The following SHOC1 variants were observed in gnomAD, a reference collection of about 807,000 sequenced individuals.
The protein encoded by SHOC1 is shortage in chiasmata 1.
Under a neutral mutation model 179.2 loss-of-function variants are expected in SHOC1, and 136 were observed. That is an observed-to-expected ratio of 0.76 (90% CI 0.66 to 0.87). The LOEUF is 0.87. Among genes scored for constraint, SHOC1 ranks in the 40% least tolerant of loss-of-function variants. SHOC1 has a pLI of 0.00. For missense variants in SHOC1, 1,538 were observed against 1,700.8 expected (o/e 0.90, Z 1.68); for synonymous variants, 489 against 586.6 (o/e 0.83, Z 2.41).
chr9:111,764,012 C>G (rs1835251866), intron 5 of SHOC1, among the ~76,000 whole-genome samples: 1 of 152,084 alleles, frequency 6.6e-6, no homozygotes, highest in African/African-American at 2.4e-5. Context: ...AACTGCAGTC[C>G]AAAAATACTA....
intron 12 of SHOC1, among the ~76,000 whole-genome samples, chr9:111,729,975 T>G (rs1019266748): frequency 3.9e-5 from 6 of 152,196 alleles, no homozygotes; most frequent in Admixed American, 1.3e-4. Flanking sequence ...AATCCTTTGT[T>G]GTCATTACAA....
intron 12 of SHOC1, 95 bp downstream of exon 12, chr9:111,738,185 A>T: frequency 8.8e-7 from 1 of 1,134,236 alleles, no homozygotes; most frequent in Non-Finnish European, 1.2e-6. Context: ...GCTAGAACCT[A>T]GTGATTTTCC....
At chr9:111,701,486 C>A (rs1282173639) in intron 23 of SHOC1, among the ~76,000 whole-genome samples, 1 of 151,988 alleles carries the variant, frequency 6.6e-6, no homozygotes, top group Non-Finnish European at 1.5e-5. Context: ...ACTACTAGAA[C>A]CATAGGTAGA....
chr9:111,741,230 A>G (rs143368371), intron 11 of SHOC1, among the ~76,000 whole-genome samples: 3 of 152,158 alleles, frequency 2.0e-5, no homozygotes, highest in Non-Finnish European at 2.9e-5. Context: ...CTTGTATTTC[A>G]TTTCTTTTCT....
At chr9:111,689,615 A>C (rs199553010) in intron 27 of SHOC1, among the ~76,000 whole-genome samples, 1,413 of 32,156 alleles carry the variant, frequency 0.044, 19 homozygotes, top group African/African-American at 0.32. Context: ...ATTTTTTTTA[A>C]TTTAAATAAA....
Position 111,786,039 on chromosome 9 carries a change from T to C in SHOC1, c.46-4A>G. The C allele has an allele frequency of 6.8e-7, 1 of 1,475,662 alleles. No individual in the cohort carries two copies. The highest frequency in any genetic ancestry group is 9.0e-7 in the Non-Finnish European group (1 of 1,115,882). The allele number at this position is 1,475,662 out of a possible 1,614,324, so 91.4% of individuals were successfully genotyped here. On this transcript the variant is annotated splice_region_variant and splice_polypyrimidine_tract_variant and intron_variant, in intron 2 of 27. Coordinates refer to ENST00000682961, the MANE Select transcript of SHOC1 (RefSeq NM_001378211.1). ...AAAACTTCTTTCTAACCACATTCTG[T>C]GGAAGAAAGAAAGATTAGAAAATCT...
intron 10 of SHOC1, among the ~76,000 whole-genome samples, chr9:111,742,358 C>A (rs1834082295): frequency 6.6e-6 from 1 of 152,126 alleles, no homozygotes; most frequent in Non-Finnish European, 1.5e-5. Flanking sequence ...CCTCTACTGG[C>A]TGAGGATCAG....
chr9:111,787,038 C>T (rs1836283842), intron 2 of SHOC1, among the ~76,000 whole-genome samples: 1 of 152,154 alleles, frequency 6.6e-6, no homozygotes, highest in Admixed American at 6.5e-5. Context: ...CATGTATTTA[C>T]AACATGGTTT....
Position 111,738,348 on chromosome 9 carries a change from T to G in SHOC1, c.1349A>C (p.His450Pro). The G allele has an allele frequency of 1.2e-6, 2 of 1,612,160 alleles. No homozygotes were observed. Among genetic ancestry groups the G allele is most frequent in the Non-Finnish European group, 1.7e-6 (2 of 1,179,410 alleles). ...AGTGTCATTAGAAGACAAATTATCA[T>G]GACATAAATATGTATTCAGATGTTC... is the stretch of plus-strand genomic sequence containing the variant. ...TLEHLNTYLC[H>P]DNLSSNDTKI... Residue 450 changes from histidine to proline, a missense_variant, in exon 12 of 28, where the codon CAT becomes CCT. By Grantham distance (77) the His-to-Pro change is moderately conservative. Coordinates refer to ENST00000682961, the MANE Select transcript of SHOC1 (RefSeq NM_001378211.1).
At chr9:111,761,136 G>A (rs1388083516) in intron 5 of SHOC1, among the ~76,000 whole-genome samples, 1 of 152,040 alleles carries the variant, frequency 6.6e-6, no homozygotes, top group Admixed American at 6.6e-5. Flanking sequence ...TGATATTGGG[G>A]CAATTATCAA....
intron 10 of SHOC1, among the ~76,000 whole-genome samples, chr9:111,742,180 GT>G (rs1402618837): frequency 6.6e-6 from 1 of 152,168 alleles, no homozygotes; most frequent in African/African-American, 2.4e-5. Context: ...ACTTGGGAGA[GT>G]TTTAGCACTT....
At chr9:111,733,642 C>T (rs111516568) in intron 12 of SHOC1, among the ~76,000 whole-genome samples, 5 of 152,082 alleles carry the variant, frequency 3.3e-5, no homozygotes, top group Admixed American at 1.3e-4. Context: ...CCAAGGCGGG[C>T]GGATCACCTG....
intron 12 of SHOC1, among the ~76,000 whole-genome samples, chr9:111,734,070 G>A (rs10981040): frequency 0.056 from 8,477 of 151,920 alleles, 588 homozygotes; most frequent in African/African-American, 0.16. Flanking sequence ...CTTGGCATGG[G>A]TTCCAGATAT....
At position 111,705,236 on chromosome 9, in the gene SHOC1, C is replaced by G; in HGVS notation, c.2855+11G>C. 2.2e-6 allele frequency: 3 copies of G among 1,374,536 alleles called. No individual in the cohort carries two copies. Among genetic ancestry groups the G allele is most frequent in the Non-Finnish European group, 2.0e-6 (2 of 995,566 alleles). The allele number at this position is 1,374,536 out of a possible 1,614,324, so 85.1% of individuals were successfully genotyped here. A position where few individuals can be genotyped will look rare whatever the true frequency, so the allele number is the denominator to read the frequency against. On this transcript the variant is annotated intron_variant, in intron 21 of 27. Coordinates refer to ENST00000682961, the MANE Select transcript of SHOC1 (RefSeq NM_001378211.1). ...TACACTTTTGTTAAAATTGTGAAAT[C>G]AATAACTTACTTGGATTCTAGCAGC... is the stretch of plus-strand genomic sequence containing the variant.
At chr9:111,778,510 G>A (rs1327386867) in intron 4 of SHOC1, among the ~76,000 whole-genome samples, 1 of 152,188 alleles carries the variant, frequency 6.6e-6, no homozygotes, top group Admixed American at 6.5e-5. Context: ...GCTCACGCCT[G>A]TAATCCCAGC....
intron 15 of SHOC1, among the ~76,000 whole-genome samples, chr9:111,718,666 A>G (rs1463916593): frequency 6.6e-6 from 1 of 152,230 alleles, no homozygotes; most frequent in East Asian, 1.9e-4. Context: ...GTTATGAAAC[A>G]AGAATAAAAA....
intron 5 of SHOC1, among the ~76,000 whole-genome samples, chr9:111,769,613 C>CT (rs1170057018): frequency 3.9e-5 from 6 of 152,140 alleles, no homozygotes; most frequent in African/African-American, 1.4e-4. Context: ...GTAGCTGGGA[C>CT]TACAAGCACA....
intron 24 of SHOC1, among the ~76,000 whole-genome samples, chr9:111,699,292 G>C (rs1469594957): frequency 6.6e-6 from 1 of 152,174 alleles, no homozygotes; most frequent in Non-Finnish European, 1.5e-5. Context: ...CATAAACTAA[G>C]CTTGTGGGAG....
In SHOC1 at chr9:111,702,111, T is replaced by C. The variant is rs1831999398; in HGVS notation, c.3083A>G (p.Asn1028Ser). 1 of 1,483,810 alleles carries C rather than the reference T, an allele frequency of 6.7e-7. No individual in the cohort carries two copies. Among genetic ancestry groups the C allele is most frequent in the South Asian group, 1.2e-5 (1 of 81,808 alleles). 91.9% of individuals were successfully genotyped at this position (1,483,810 alleles called of 1,614,324 possible). A position where few individuals can be genotyped will look rare whatever the true frequency, so the allele number is the denominator to read the frequency against. Reference sequence around the variant, plus strand: ...TGAAGAAATGTTTACCTACTCTGAATTTAATGTTTCTTTGGTATATAAAAT... The same window carrying C: ...TGAAGAAATGTTTACCTACTCTGAACTTAATGTTTCTTTGGTATATAAAAT... ...WIILYTKETLNSEYLLTEKTL... is the reference protein window; with the variant it reads ...WIILYTKETLSSEYLLTEKTL... The change falls in exon 23 of 28, where the codon AAT becomes AGT. Residue 1028 changes from asparagine (N) to serine (S), a missense_variant. Asn to Ser is a conservative substitution (Grantham distance 46). Transcript: ENST00000682961.
Sources: allele counts gnomAD v4.1 joint callset (sites outside exome capture counted in the v4.1 genomes callset), GRCh38; gene constraint gnomAD v4.1.1; transcripts MANE v1.5; gene names NCBI Gene and HGNC (gene_info 2026-07-23, HGNC 2026-07-21).